Variants in SIGLEC12 observed in about 807,000 individuals in gnomAD.
SIGLEC12 encodes sialic acid binding Ig like lectin 12.
SIGLEC12 carries 43 observed loss-of-function variants against 54.1 expected under a neutral mutation model. The ratio of observed to expected loss-of-function variants is 0.80; its 90% CI spans 0.62 to 1.03. SIGLEC12 has a LOEUF of 1.03. Ranked by LOEUF, SIGLEC12 falls within the 50% of genes least tolerant of loss-of-function variation. SIGLEC12 has a pLI of 0.00. For missense variants in SIGLEC12, 802 were observed against 735.2 expected (o/e 1.09, Z -1.05); for synonymous variants, 357 against 307.6 (o/e 1.16, Z -1.68).
Position 51,497,494 on chromosome 19 carries a change from C to T in SIGLEC12, c.1406-49G>A, listed in dbSNP as rs199830041. ...TGGGGTTTACCCTCCAAGAACTGGG[C>T]CTCTTCTCCTCCCACTGCCTGTAGG... On this transcript the variant is annotated intron_variant, in intron 5 of 7. Coordinates refer to ENST00000291707, the MANE Select transcript of SIGLEC12 (RefSeq NM_053003.4). 1.0e-4 allele frequency: 142 copies of T among 1,380,342 alleles called. 1 individual carries two copies. The African/African-American group carries it at 1.6e-3, about 15-fold the overall frequency. 85.5% of individuals were successfully genotyped at this position (1,380,342 alleles called of 1,614,324 possible). A position where few individuals can be genotyped will look rare whatever the true frequency, so the allele number is the denominator to read the frequency against.
rs1555776058 is a variant in SIGLEC12, at chr19:51,495,397, A to ACGGG, written c.1599+1482_1599+1483insCCCG. ...GATGGATGGATGGATGGATGGATGG[A>ACGGG]TGGGTGGGTGGGTGGGTGGATGGAT... On this transcript the variant is annotated intron_variant, in intron 7 of 7. Transcript: ENST00000291707. Among the ~76,000 whole-genome samples the ACGGG allele has an allele frequency of 7.8e-3, 405 of 51,846 alleles. 36 individuals carry two copies. Among genetic ancestry groups the ACGGG allele is most frequent in the African/African-American group, 0.032 (388 of 12,112 alleles). The allele number at this position is 51,846 out of a possible 152,430, so 34.0% of individuals were successfully genotyped here. A position where few individuals can be genotyped will look rare whatever the true frequency, so the allele number is the denominator to read the frequency against.
intron 5 of SIGLEC12, among the ~76,000 whole-genome samples, chr19:51,497,782 T>G (rs918376745): frequency 6.6e-6 from 1 of 152,240 alleles, no homozygotes; most frequent in Admixed American, 6.5e-5. Flanking sequence ...AGTGCCTCAC[T>G]TGCCTCACAC....
intron 1 of SIGLEC12, 74 bp downstream of exon 1, chr19:51,501,233 T>C (rs991527009): frequency 3.7e-5 from 55 of 1,487,666 alleles, no homozygotes; most frequent in South Asian, 1.1e-4. Context: ...TCCCAGGACA[T>C]GTGTCCCGTC....
chr19:51,493,552 TC>T (rs1418653890), intron 7 of SIGLEC12, among the ~76,000 whole-genome samples: 1 of 152,092 alleles, frequency 6.6e-6, no homozygotes, highest in East Asian at 1.9e-4. Flanking sequence ...CCTCCTTTTT[TC>T]CCCCAGATCT....
chr19:51,492,343 T>G (rs1990127742), intron 7 of SIGLEC12, among the ~76,000 whole-genome samples: 1 of 152,098 alleles, frequency 6.6e-6, no homozygotes, highest in African/African-American at 2.4e-5. Context: ...ATAAGATGGG[T>G]AGGAAGAGGG....
At chr19:51,500,429 G>A (rs1447847112) in intron 1 of SIGLEC12, 129 bp from the exon 2 acceptor site, 2 of 1,545,684 alleles carry the variant, frequency 1.3e-6, no homozygotes, top group African/African-American at 2.7e-5. Context: ...GGGAGGGAGA[G>A]GAGGGGCAGG....
intron 7 of SIGLEC12, among the ~76,000 whole-genome samples, chr19:51,494,187 A>G (rs1990171927): frequency 6.6e-6 from 1 of 152,220 alleles, no homozygotes; most frequent in South Asian, 2.1e-4. Context: ...ATCCTACAGA[A>G]TGGTAGAAAA....
intron 4 of SIGLEC12, 124 bp downstream of exon 4, chr19:51,499,046 G>T: frequency 2.1e-6 from 2 of 943,012 alleles, no homozygotes; most frequent in Non-Finnish European, 3.4e-6. Context: ...AAAAGGCTGA[G>T]GCTGAGGGAG....
Position 51,491,784 on chromosome 19 carries a change from C to CA in SIGLEC12, c.1644dup (p.Ala549CysfsTer39), listed in dbSNP as rs759842703. 4 of 1,603,090 alleles carry CA rather than the reference C, an allele frequency of 2.5e-6. No homozygotes were observed. In the East Asian group the frequency reaches 9.0e-5, roughly 36 times the overall value. ...GAGGGGGTGGCCAGGGCTGGCGGAG[C>CA]ATGGTGTGGGGGGCTGTCATCTGCC... is the stretch of plus-strand genomic sequence containing the variant. On this transcript the variant is annotated frameshift_variant, in exon 8 of 8. Coordinates refer to ENST00000291707, the MANE Select transcript of SIGLEC12 (RefSeq NM_053003.4). LOFTEE classifies it low-confidence loss of function (END_TRUNC).
rs1568527370 is a variant in SIGLEC12 at position 51,491,784 on chromosome 19, C to G, written c.1645G>C (p.Ala549Pro). 1.2e-6 allele frequency: 2 copies of G among 1,603,090 alleles called. No homozygotes were observed. Among genetic ancestry groups the G allele is most frequent in the Middle Eastern group, 1.7e-4 (1 of 5,980 alleles). ...GAGGGGGTGGCCAGGGCTGGCGGAG[C>G]ATGGTGTGGGGGGCTGTCATCTGCC... is the stretch of plus-strand genomic sequence containing the variant. Reference protein sequence around the residue: ...SPADDSPPHHAPPALATPSPE... With the variant: ...SPADDSPPHHPPPALATPSPE... The change falls in exon 8 of 8, where the codon GCT (alanine) becomes CCT (proline). Residue 549 changes from alanine to proline, a missense_variant. By Grantham distance (27) the Ala-to-Pro change is conservative. Transcript: ENST00000291707.
chr19:51,498,955 C>T (rs184340235), intron 4 of SIGLEC12, among the ~76,000 whole-genome samples: 1 of 152,182 alleles, frequency 6.6e-6, no homozygotes, highest in East Asian at 1.9e-4. Flanking sequence ...TCCCTCTACC[C>T]TTGCTGTGGG....
Position 51,496,900 on chromosome 19 carries a change from C to A in SIGLEC12, c.1579G>T (p.Val527Phe). The change falls in exon 7 of 8, where the codon GTC becomes TTC. Residue 527 changes from valine (V) to phenylalanine (F), a missense_variant. Physicochemically the swap from Val to Phe is conservative, Grantham distance 50 (BLOSUM62 -1). Transcript: ENST00000291707. ...GDTGMEDANA[V>F]RGSASQGPLI... is the part of the protein sequence containing the mutation. ...CTCACCTGAGAGGCTGAGCCCCTGA[C>A]AGCGTTTGCGTCCTCCATGCCTGTA... is the stretch of plus-strand genomic sequence containing the variant. 1 of 1,614,108 alleles carries A rather than the reference C, an allele frequency of 6.2e-7. No individual in the cohort carries two copies.
chr19:51,496,740 G>A (rs1035849525), intron 7 of SIGLEC12, 140 bp downstream of exon 7: 53 of 873,828 alleles, frequency 6.1e-5, no homozygotes, highest in Admixed American at 5.1e-4. Context: ...AATGAAAGCT[G>A]TTCTTAGGAG....
At position 51,501,720 on chromosome 19, in the gene SIGLEC12, A is replaced by C. The variant is rs1434408847; in HGVS notation, c.14T>G (p.Leu5Arg). ...ACAGAGCAGGGGTGGCAGCAGTAGC[A>C]GCAGCAGTAGCATGTGTCGGGTTGG... MLLL[L>R]LLLPPLLCGR... Residue 5 changes from leucine to arginine, a missense_variant, in exon 1 of 8, where the codon CTG becomes CGG. Leu to Arg is a moderately radical substitution (Grantham distance 102, BLOSUM62 -2). Coordinates refer to ENST00000291707, the MANE Select transcript of SIGLEC12 (RefSeq NM_053003.4). 1 of 1,606,070 alleles carries C rather than the reference A, an allele frequency of 6.2e-7. No individual in the cohort carries two copies. The highest frequency in any genetic ancestry group is 2.2e-5 in the East Asian group (1 of 44,752).
rs757462157 is a variant in SIGLEC12 at position 51,499,169 on chromosome 19, C to T, written c.1135+1G>A. The stretch of plus-strand genomic sequence containing the variant: ...GCCCCAGGGAGAGGACTCCATCTTA[C>T]CTGTGCCATCTCCTTGGAAGACAGT... On this transcript the variant is annotated splice_donor_variant, in intron 4 of 7. Transcript: ENST00000291707. LOFTEE classifies it high-confidence loss of function. 1.9e-6 allele frequency: 3 copies of T among 1,614,050 alleles called. No homozygotes were observed. Among genetic ancestry groups the T allele is most frequent in the South Asian group, 1.1e-5 (1 of 91,074 alleles).
At chr19:51,497,542 T>C (rs1461020142) in intron 5 of SIGLEC12, 97 bp from the exon 6 acceptor site, 2 of 807,730 alleles carry the variant, frequency 2.5e-6, no homozygotes, top group Non-Finnish European at 4.0e-6. Flanking sequence ...GGTACCCCAG[T>C]CCCGCTTCCC....
intron 5 of SIGLEC12, 86 bp downstream of exon 5, chr19:51,497,932 G>A: frequency 1.3e-6 from 2 of 1,554,974 alleles, no homozygotes; most frequent in South Asian, 1.2e-5. Flanking sequence ...GTGATGCTGT[G>A]GGTTGCAGGG....
In SIGLEC12 at chr19:51,496,879, C is replaced by T. The variant is rs1246126513; in HGVS notation, c.1599+1G>A. ...AGGGCTGTGATTCAATGCTCACTCA[C>T]CTGAGAGGCTGAGCCCCTGACAGCG... is the stretch of plus-strand genomic sequence containing the variant. On this transcript the variant is annotated splice_donor_variant, in intron 7 of 7. Coordinates refer to ENST00000291707, the MANE Select transcript of SIGLEC12 (RefSeq NM_053003.4). LOFTEE classifies it high-confidence loss of function. 6 of 1,614,054 alleles carry T rather than the reference C, an allele frequency of 3.7e-6. No homozygotes were observed. Among genetic ancestry groups the T allele is most frequent in the East Asian group, 2.2e-5 (1 of 44,876 alleles).
rs753868915 is a variant in SIGLEC12, at chr19:51,500,235, G to C, written c.493C>G (p.Leu165Val). 1.2e-4 allele frequency: 198 copies of C among 1,614,072 alleles called. No homozygotes were observed. The highest frequency in any genetic ancestry group is 1.5e-4 in the Non-Finnish European group (175 of 1,180,034). The stretch of plus-strand genomic sequence containing the variant: ...ACACTGCAGGGCACAGAGACACACA[G>C]ACCCTCCTGCACAGTCACCGACTCT... ...VPESVTVQEG[L>V]CVSVPCSVLY... The change falls in exon 2 of 8, where the codon CTG (leucine) becomes GTG (valine). Residue 165 changes from leucine to valine, a missense_variant. Leu to Val is a conservative substitution (Grantham distance 32). Coordinates refer to ENST00000291707, the MANE Select transcript of SIGLEC12 (RefSeq NM_053003.4).
Sources: gnomAD v4.1 joint callset for allele counts (sites outside exome capture counted in the v4.1 genomes callset) on GRCh38, gnomAD v4.1.1 for gene constraint, MANE v1.5 for transcripts, NCBI Gene and HGNC (gene_info 2026-07-23, HGNC 2026-07-21) for gene names.